The following ELP4 variants were observed in gnomAD, a reference collection of about 807,000 sequenced individuals.
The protein encoded by ELP4 is elongator complex protein 4.
Under a neutral mutation model 48.9 loss-of-function variants are expected in ELP4, and 51 were observed. The observed-to-expected ratio is 1.04, with a 90% CI of 0.83 to 1.32. ELP4 has a LOEUF of 1.32. Among genes scored for constraint, ELP4 ranks in the 40% most tolerant of loss-of-function variants. ELP4 has a pLI of 0.00. For synonymous variants in ELP4, 210 were observed against 189.2 expected (o/e 1.11, Z -0.90); for missense variants, 519 against 514.6 (o/e 1.01, Z -0.08).
At chr11:31,704,107 G>C (rs1019653600) in intron 9 of ELP4, among the ~76,000 whole-genome samples, 4 of 151,684 alleles carry the variant, frequency 2.6e-5, no homozygotes, top group African/African-American at 9.7e-5. Context: ...AAAAAATTTA[G>C]TTTGCAGTGC....
chr11:31,592,997 A>G (rs999912604), intron 3 of ELP4, among the ~76,000 whole-genome samples: 33 of 152,182 alleles, frequency 2.2e-4, no homozygotes, highest in Admixed American at 3.9e-4. Context: ...CATTGTTACA[A>G]CTATTGCCAG....
chr11:31,584,550 G>C (rs1379876218), intron 3 of ELP4, among the ~76,000 whole-genome samples: 4 of 151,784 alleles, frequency 2.6e-5, no homozygotes, highest in Non-Finnish European at 5.9e-5. Flanking sequence ...TTGTTTTTGA[G>C]ACACTTTTGC....
rs150218807 is a variant in ELP4, at chr11:31,766,516, C to T, written c.1144-16877C>T. ...GTTCCCATTTTTATTTTTTTCAGAA[C>T]TTTTCAGATGATGTTTTGACTCATG... On this transcript the variant is annotated intron_variant, in intron 9 of 9. Coordinates refer to ENST00000640961, the MANE Select transcript of ELP4 (RefSeq NM_019040.5). 5.7e-3 allele frequency among the ~76,000 whole-genome samples: 859 copies of T among 151,922 alleles called. 10 individuals carry two copies. The highest frequency in any genetic ancestry group is 0.02 in the African/African-American group (828 of 41,458).
chr11:31,543,055 T>A (rs1012104542), intron 3 of ELP4, among the ~76,000 whole-genome samples: 4 of 152,068 alleles, frequency 2.6e-5, no homozygotes, highest in Admixed American at 2.0e-4. Context: ...AAGAAAAGAT[T>A]AGTAAATTTG....
intron 9 of ELP4, among the ~76,000 whole-genome samples, chr11:31,779,251 T>C (rs190271819): frequency 3.2e-4 from 48 of 152,292 alleles, no homozygotes; most frequent in Non-Finnish European, 6.3e-4. Context: ...CTTGGCAAAA[T>C]GTGAAAAATA....
chr11:31,775,828 G>C (rs1948233920), intron 9 of ELP4, among the ~76,000 whole-genome samples: 1 of 152,062 alleles, frequency 6.6e-6, no homozygotes, highest in Admixed American at 6.6e-5. Flanking sequence ...AGCTGGGCGT[G>C]GTAGCACATG....
At chr11:31,629,984 T>C (rs1944825332) in intron 6 of ELP4, among the ~76,000 whole-genome samples, 1 of 152,088 alleles carries the variant, frequency 6.6e-6, no homozygotes, top group African/African-American at 2.4e-5. Flanking sequence ...CAGAAATGTA[T>C]TTATACTTCT....
At chr11:31,737,234 T>C (rs569167503) in intron 9 of ELP4, among the ~76,000 whole-genome samples, 97 of 151,862 alleles carry the variant, frequency 6.4e-4, no homozygotes, top group African/African-American at 2.3e-3. Context: ...AACCAAACAC[T>C]GCATGTTCTC....
chr11:31,730,522 C>T (rs955634783), intron 9 of ELP4, among the ~76,000 whole-genome samples: 1 of 152,146 alleles, frequency 6.6e-6, no homozygotes, highest in African/African-American at 2.4e-5. Flanking sequence ...CCAAGCTTCT[C>T]CATGGACAGA....
At chr11:31,725,641 CAAAAT>C (rs1431745964) in intron 9 of ELP4, among the ~76,000 whole-genome samples, 1 of 152,176 alleles carries the variant, frequency 6.6e-6, no homozygotes, top group Non-Finnish European at 1.5e-5. Context: ...ACCAGCTTCA[CAAAAT>C]AAAATCTTTT....
At chr11:31,704,415 C>G (rs925614172) in intron 9 of ELP4, among the ~76,000 whole-genome samples, 2 of 151,970 alleles carry the variant, frequency 1.3e-5, no homozygotes, top group Non-Finnish European at 2.9e-5. Context: ...CATGTTCTCA[C>G]TCGTAGGTGG....
At chr11:31,769,380 A>G (rs1275836101) in intron 9 of ELP4, among the ~76,000 whole-genome samples, 2 of 152,220 alleles carry the variant, frequency 1.3e-5, no homozygotes, top group Non-Finnish European at 1.5e-5. Context: ...AGACACAAAT[A>G]TATATGATTG....
chr11:31,623,390 T>TATATATATATAAAA (rs67986763), intron 5 of ELP4, among the ~76,000 whole-genome samples: 18 of 92,580 alleles, frequency 1.9e-4, no homozygotes, highest in African/African-American at 4.3e-4. Flanking sequence ...TATATATATA[T>TATATATATATAAAA]AAAACTAGAA....
intron 9 of ELP4, among the ~76,000 whole-genome samples, chr11:31,762,835 AT>A (rs1176069706): frequency 1.3e-5 from 2 of 151,678 alleles, no homozygotes; most frequent in African/African-American, 2.4e-5. Flanking sequence ...GCTTATTGGA[AT>A]TTTTTATAGA....
intron 9 of ELP4, among the ~76,000 whole-genome samples, chr11:31,742,239 G>T (rs1037514165): frequency 3.3e-5 from 5 of 152,190 alleles, no homozygotes; most frequent in Admixed American, 2.6e-4. Flanking sequence ...AGAAATATGG[G>T]ACTATGTGAA....
intron 9 of ELP4, among the ~76,000 whole-genome samples, chr11:31,669,139 A>C (rs112178902): frequency 0.017 from 2,546 of 151,492 alleles, 75 homozygotes; most frequent in African/African-American, 0.059. Context: ...TCGCTCTGTC[A>C]CCAGGCTGGA....
chr11:31,619,767 A>G (rs1452816926), intron 5 of ELP4, among the ~76,000 whole-genome samples: 1 of 151,440 alleles, frequency 6.6e-6, no homozygotes, highest in Non-Finnish European at 1.5e-5. Context: ...CATTACTCAG[A>G]TATTATGCCT....
intron 9 of ELP4, among the ~76,000 whole-genome samples, chr11:31,731,398 A>G (rs1947182044): frequency 6.6e-6 from 1 of 152,208 alleles, no homozygotes; most frequent in Non-Finnish European, 1.5e-5. Context: ...TGAAGAGTGC[A>G]ATAACTAAAC....
In ELP4 at chr11:31,790,117, A is replaced by AAAAAAAT; in HGVS notation, c.*6596_*6597insAAATAAA. ...GTTTACAAAAAAAAAAAAAAAAAAA[A>AAAAAAAT]AAACTAATACTTTCTAACATTTTTT... On this transcript the variant is annotated 3_prime_UTR_variant, in exon 10 of 10. Transcript: ENST00000640961. The AAAAAAAT allele has an allele frequency of 1.3e-6, 1 of 779,982 alleles. No individual in the cohort carries two copies. Among genetic ancestry groups the AAAAAAAT allele is most frequent in the African/African-American group, 1.8e-5 (1 of 55,336 alleles). 48.3% of individuals were successfully genotyped at this position (779,982 alleles called of 1,614,324 possible).
Sources: allele counts gnomAD v4.1 joint callset (sites outside exome capture counted in the v4.1 genomes callset), GRCh38; gene constraint gnomAD v4.1.1; transcripts MANE v1.5; gene names NCBI Gene and HGNC (gene_info 2026-07-23, HGNC 2026-07-21).